NUDT7: variants seen among roughly 807,000 people sequenced by gnomAD.
NUDT7 encodes nudix hydrolase 7, also known as peroxisomal coenzyme A diphosphatase NUDT7.
A neutral mutation model predicts 13.1 loss-of-function variants in NUDT7; 19 were observed. That is an observed-to-expected ratio of 1.45 (90% CI 1.01 to 2.13). The LOEUF is 2.13. NUDT7 is among the 30% of genes most tolerant of loss of function. The pLI, the probability that NUDT7 is intolerant of heterozygous loss-of-function variation, is 0.00. For missense variants in NUDT7, 360 were observed against 291.7 expected, an observed-to-expected ratio of 1.23 and a Z score of -1.71; for synonymous variants, 132 against 109.7, an observed-to-expected ratio of 1.20 and a Z score of -1.27.
rs755962752 is a variant in NUDT7 at position 77,741,550 on chromosome 16, C to G, written c.349-32C>G. On this transcript the variant is annotated intron_variant, in intron 3 of 3. Transcript: ENST00000268533. ...GATTTGAAGCAGTATCACTTCACTT[C>G]TTAATTTGTCTGTTTTGTTTTCTGC... 2.6e-6 allele frequency: 4 copies of G among 1,551,764 alleles called. No individual in the cohort carries two copies. The South Asian group carries it at 4.9e-5, about 19-fold the overall frequency.
chr16:77,722,660 C>T, intron 1 of NUDT7, 43 bp downstream of exon 1: 4 of 1,562,376 alleles, frequency 2.6e-6, no homozygotes, highest in Non-Finnish European at 3.5e-6. Flanking sequence ...TTGGTCAGGC[C>T]CGGCCTTGAT....
At position 77,735,844 on chromosome 16, in the gene NUDT7, G is replaced by A. The variant is rs1399674652; in HGVS notation, c.206G>A (p.Gly69Glu). ...TATATCCAGCTAAGAAGGGCCCCTG[G>A]AGAAGTTTGCTTCCCTGGAGGTAAG... ...VRSEKLRRAP[G>E]EVCFPGGKRD... The change falls in exon 3 of 4, where the codon GGA becomes GAA. Residue 69 changes from glycine to glutamate, a missense_variant. Coordinates refer to ENST00000268533, the MANE Select transcript of NUDT7 (RefSeq NM_001105663.3). 6.2e-7 allele frequency: 1 copy of A among 1,613,852 alleles called. No individual in the cohort carries two copies. The highest frequency in any genetic ancestry group is 1.3e-5 in the African/African-American group (1 of 75,040).
At chr16:77,724,847 C>T (rs1410778240) in intron 1 of NUDT7, among the ~76,000 whole-genome samples, 1 of 152,228 alleles carries the variant, frequency 6.6e-6, no homozygotes, top group East Asian at 1.9e-4. Context: ...ATGTGTTCCC[C>T]TGTCCACAGC....
chr16:77,732,413 A>C (rs1351274321), intron 2 of NUDT7, among the ~76,000 whole-genome samples: 1 of 152,184 alleles, frequency 6.6e-6, no homozygotes, highest in Non-Finnish European at 1.5e-5. Context: ...GCAGTGTTTA[A>C]TGTCCTAAGC....
At position 77,741,798 on chromosome 16, in the gene NUDT7, A is replaced by G; in HGVS notation, c.565A>G (p.Lys189Glu). ...NPEDGVTYQI[K>E]GMTANLAVLV... ...TGAAGACGGTGTCACTTACCAGATC[A>G]AGGGAATGACGGCAAACCTTGCAGT... is the stretch of plus-strand genomic sequence containing the variant. The change falls in exon 4 of 4, where the codon AAG (lysine) becomes GAG (glutamate). Residue 189 changes from lysine to glutamate, a missense_variant. Coordinates refer to ENST00000268533, the MANE Select transcript of NUDT7 (RefSeq NM_001105663.3). The G allele has an allele frequency of 6.2e-7, 1 of 1,614,172 alleles. No homozygotes were observed. The highest frequency in any genetic ancestry group is 8.5e-7 in the Non-Finnish European group (1 of 1,180,026).
intron 1 of NUDT7, 33 bp from the exon 2 acceptor site, chr16:77,725,398 C>A (rs2145102134): frequency 6.3e-7 from 1 of 1,589,942 alleles, no homozygotes; most frequent in South Asian, 1.1e-5. Context: ...ACTCTGCTTG[C>A]TAAAATGTCT....
chr16:77,725,580 A>T lies in NUDT7; in HGVS notation c.185A>T (p.Glu62Val). The part of the protein sequence containing the change: ...KLHLLFTVRS[E>V]KLRRAPGEVC... ...CATTTGTTGTTCACCGTCCGGTCAGAGAAGGTAGGTGGACAAAAAATTTCC... is the reference window on the plus strand; with the variant it reads ...CATTTGTTGTTCACCGTCCGGTCAGTGAAGGTAGGTGGACAAAAAATTTCC... The change falls in exon 2 of 4, where the codon GAG becomes GTG. Residue 62 changes from glutamate (E) to valine (V), a missense_variant. Transcript: ENST00000268533. 1 of 1,613,714 alleles carries T rather than the reference A, an allele frequency of 6.2e-7. No homozygotes were observed. The highest frequency in any genetic ancestry group is 8.5e-7 in the Non-Finnish European group (1 of 1,179,874).
intron 2 of NUDT7, chr16:77,735,273 T>C: frequency 2.5e-6 from 1 of 405,908 alleles, no homozygotes; most frequent in Non-Finnish European, 4.4e-6. Flanking sequence ...GGAGGTGATT[T>C]GATCACGTGG....
At chr16:77,725,841 C>T (rs866248845) in intron 2 of NUDT7, among the ~76,000 whole-genome samples, 1 of 152,234 alleles carries the variant, frequency 6.6e-6, no homozygotes, top group African/African-American at 2.4e-5. Context: ...GTGCTATTGG[C>T]ATTTGGGGCT....
chr16:77,731,876 A>C (rs1006456833), intron 2 of NUDT7, among the ~76,000 whole-genome samples: 74 of 152,236 alleles, frequency 4.9e-4, no homozygotes, highest in African/African-American at 1.7e-3. Flanking sequence ...AAATAGAAAA[A>C]AGCTTCTAGA....
chr16:77,728,679 T>C (rs989026230), intron 2 of NUDT7, among the ~76,000 whole-genome samples: 1 of 152,232 alleles, frequency 6.6e-6, no homozygotes, highest in South Asian at 2.1e-4. Context: ...GCCATAGTGC[T>C]GCATGCTGTT....
At chr16:77,730,746 C>T (rs2014293350) in intron 2 of NUDT7, among the ~76,000 whole-genome samples, 1 of 151,700 alleles carries the variant, frequency 6.6e-6, no homozygotes, top group African/African-American at 2.4e-5. Context: ...TGATAGTTCC[C>T]TTTTTTCCAT....
chr16:77,739,807 G>A (rs568008586), intron 3 of NUDT7, among the ~76,000 whole-genome samples: 1 of 152,272 alleles, frequency 6.6e-6, no homozygotes, highest in Non-Finnish European at 1.5e-5. Context: ...GGGAGTGCCT[G>A]TGAATTCACC....
chr16:77,730,235 G>A (rs1010620125), intron 2 of NUDT7, among the ~76,000 whole-genome samples: 1 of 152,062 alleles, frequency 6.6e-6, no homozygotes, highest in Non-Finnish European at 1.5e-5. Flanking sequence ...TATTCCTCCT[G>A]ACTGGCTGAA....
chr16:77,722,765 A>G (rs1230392469), intron 1 of NUDT7, 148 bp downstream of exon 1: 2 of 721,034 alleles, frequency 2.8e-6, no homozygotes, highest in Non-Finnish European at 4.8e-6. Flanking sequence ...ACTCGCCTCC[A>G]GCAACCCGCA....
intron 2 of NUDT7, among the ~76,000 whole-genome samples, chr16:77,726,814 GA>G (rs1396149051): frequency 6.6e-6 from 1 of 151,922 alleles, no homozygotes; most frequent in Non-Finnish European, 1.5e-5. Flanking sequence ...AAGAAAGAAA[GA>G]AAAAGAAATA....
In NUDT7 at chr16:77,736,260, C is replaced by T. The variant is rs13330878; in HGVS notation, c.348+274C>T. 2,528 of 324,718 alleles carry T rather than the reference C, an allele frequency of 7.8e-3. 56 individuals carry two copies. The highest frequency in any genetic ancestry group is 0.048 in the African/African-American group (2,330 of 48,762). The allele number at this position is 324,718 out of a possible 1,614,324, so 20.1% of individuals were successfully genotyped here. A position where few individuals can be genotyped will look rare whatever the true frequency, so the allele number is the denominator to read the frequency against. ...GATGCCATAGAACCCTAGAGAGATGCTTCAGAATTATTAACATTCAGTTCA... is the reference window on the plus strand; with the variant it reads ...GATGCCATAGAACCCTAGAGAGATGTTTCAGAATTATTAACATTCAGTTCA... On this transcript the variant is annotated intron_variant, in intron 3 of 3. Coordinates refer to ENST00000268533, the MANE Select transcript of NUDT7 (RefSeq NM_001105663.3).
intron 3 of NUDT7, among the ~76,000 whole-genome samples, chr16:77,740,110 G>A (rs186372274): frequency 2.0e-5 from 3 of 152,210 alleles, no homozygotes; most frequent in East Asian, 1.9e-4. Flanking sequence ...GTGGTGTTAC[G>A]TGCTGGTAGA....
At position 77,741,996 on chromosome 16, in the gene NUDT7, G is replaced by A; in HGVS notation, c.*46G>A. Reference sequence around the variant, plus strand: ...AGAACTATTCACGAGGATTCTGTGTGTGCTTATTCGTAGAACAACAACAAT... The same window carrying A: ...AGAACTATTCACGAGGATTCTGTGTATGCTTATTCGTAGAACAACAACAAT... On this transcript the variant is annotated 3_prime_UTR_variant, in exon 4 of 4. Coordinates refer to ENST00000268533, the MANE Select transcript of NUDT7 (RefSeq NM_001105663.3). 1.3e-6 allele frequency: 2 copies of A among 1,512,818 alleles called. No homozygotes were observed. Among genetic ancestry groups the A allele is most frequent in the Non-Finnish European group, 1.8e-6 (2 of 1,138,602 alleles). 93.7% of individuals were successfully genotyped at this position (1,512,818 alleles called of 1,614,324 possible). A position where few individuals can be genotyped will look rare whatever the true frequency, so the allele number is the denominator to read the frequency against.
Sources: gnomAD v4.1 joint callset for allele counts (sites outside exome capture counted in the v4.1 genomes callset) on GRCh38, gnomAD v4.1.1 for gene constraint, MANE v1.5 for transcripts, NCBI Gene and HGNC (gene_info 2026-07-23, HGNC 2026-07-21) for gene names.